The following LRRC9 variants were observed in gnomAD, a reference collection of about 807,000 sequenced individuals.
LRRC9 encodes leucine rich repeat containing 9, also known as leucine-rich repeat-containing protein 9.
Under a neutral mutation model 63.2 loss-of-function variants are expected in LRRC9, and 122 were observed. The ratio of observed to expected loss-of-function variants is 1.93; its 90% CI spans 1.67 to 2.24. The LOEUF is 2.24. Ranked by LOEUF, LRRC9 falls within the 30% of genes most tolerant of loss-of-function variation. LRRC9 has a pLI of 0.00. For missense variants in LRRC9, 1,071 were observed against 627.7 expected (o/e 1.71, Z -7.55); for synonymous variants, 366 against 213.1 (o/e 1.72, Z -6.25).
chr14:60,001,908 A>T (rs1265794607), intron 19 of LRRC9, 58 bp from the exon 20 acceptor site: 1 of 464,708 alleles, frequency 2.2e-6, no homozygotes, highest in Admixed American at 3.9e-5. Flanking sequence ...TTAACTATAT[A>T]TCAACTAACC....
chr14:60,021,425 C>T (rs977367769), intron 26 of LRRC9, among the ~76,000 whole-genome samples: 1 of 151,774 alleles, frequency 6.6e-6, no homozygotes, highest in African/African-American at 2.4e-5. Context: ...CAGATATTGT[C>T]TCTCAATCTG....
chr14:59,980,623 A>G (rs1414417005), intron 15 of LRRC9, among the ~76,000 whole-genome samples: 1 of 152,206 alleles, frequency 6.6e-6, no homozygotes, highest in Non-Finnish European at 1.5e-5. Flanking sequence ...TTGTTCTAGG[A>G]ACATGATAAT....
chr14:59,943,385 T>C (rs1882001723), intron 7 of LRRC9, among the ~76,000 whole-genome samples: 1 of 152,046 alleles, frequency 6.6e-6, no homozygotes, highest in Admixed American at 6.6e-5. Context: ...GTTGTTTTAG[T>C]TTTCAGAATT....
chr14:60,039,313 G>C (rs1248596645), intron 29 of LRRC9, among the ~76,000 whole-genome samples: 1 of 152,106 alleles, frequency 6.6e-6, no homozygotes, highest in Admixed American at 6.5e-5. Context: ...TTTTTCTATT[G>C]ATTGGAATAG....
At position 59,930,643 on chromosome 14, in the gene LRRC9, TATG is replaced by T. The variant is rs1398740084; in HGVS notation, c.268-272_268-270del. ...GATTATAATCATAACCATATAGAAA[TATG>T]ATATGTGATATATATGATTACAATT... On this transcript the variant is annotated intron_variant, in intron 3 of 31. Coordinates refer to ENST00000445360, the Ensembl canonical transcript of LRRC9. This position sits in a 1 kb window ranked among gnomAD's most constrained non-coding sequence, Gnocchi z 4.9. 5.9e-5 allele frequency among the ~76,000 whole-genome samples: 9 copies of T among 151,830 alleles called. No homozygotes were observed. Among genetic ancestry groups the T allele is most frequent in the African/African-American group, 1.7e-4 (7 of 41,504 alleles).
At chr14:60,016,980 C>T (rs974077178) in intron 24 of LRRC9, among the ~76,000 whole-genome samples, 190 bp downstream of exon 24, 4 of 152,022 alleles carry the variant, frequency 2.6e-5, no homozygotes, top group Admixed American at 2.0e-4. Flanking sequence ...AAATGGCTCA[C>T]TGCAGCTTCA....
chr14:59,937,303 A>T (rs1890219643), intron 6 of LRRC9, among the ~76,000 whole-genome samples: 1 of 152,062 alleles, frequency 6.6e-6, no homozygotes, highest in Admixed American at 6.6e-5. Context: ...ATACTTAAAA[A>T]ATGTAAATAA....
chr14:59,971,183 G>A (rs1885453602), intron 12 of LRRC9, among the ~76,000 whole-genome samples: 1 of 152,058 alleles, frequency 6.6e-6, no homozygotes, highest in East Asian at 1.9e-4. Context: ...TATTGAATAG[G>A]GGTTCCTGTC....
chr14:60,039,603 G>A (rs1035821737), intron 29 of LRRC9, among the ~76,000 whole-genome samples: 3 of 152,070 alleles, frequency 2.0e-5, no homozygotes, highest in African/African-American at 4.8e-5. Context: ...TGGGATCGGT[G>A]GTGATATCCT....
intron 8 of LRRC9, among the ~76,000 whole-genome samples, chr14:59,955,096 G>C (rs1189888180): frequency 2.0e-5 from 3 of 152,080 alleles, no homozygotes; most frequent in Admixed American, 2.0e-4. Flanking sequence ...TTATTGGCCT[G>C]ATATTTTCTT....
intron 24 of LRRC9, among the ~76,000 whole-genome samples, chr14:60,018,087 CTTTTA>C (rs1314164059): frequency 2.0e-5 from 3 of 151,842 alleles, no homozygotes; most frequent in Admixed American, 6.6e-5. Context: ...GGAAATGTCT[CTTTTA>C]TAAGTTTCTT....
At chr14:60,066,159 T>G (rs1159828799), downstream of LRRC9, among the ~76,000 whole-genome samples, 1 of 151,772 alleles carries the variant, frequency 6.6e-6, no homozygotes, top group African/African-American at 2.4e-5. Flanking sequence ...TTTCTGACTA[T>G]TGACACAAAA....
intron 1 of LRRC9, among the ~76,000 whole-genome samples, chr14:59,924,456 T>C (rs1246902770): frequency 1.3e-5 from 2 of 152,142 alleles, no homozygotes; most frequent in South Asian, 2.1e-4. Flanking sequence ...AAATTGCCAA[T>C]GGGAAGCAGG....
intron 29 of LRRC9, among the ~76,000 whole-genome samples, chr14:60,040,868 A>T (rs1366885068): frequency 1.3e-5 from 2 of 151,888 alleles, no homozygotes; most frequent in African/African-American, 2.4e-5. Flanking sequence ...TGGTCTTTAC[A>T]ATTTGGCATG....
exon 26 of LRRC9, chr14:60,019,260 G>A: frequency 1.5e-6 from 1 of 681,478 alleles, no homozygotes. Context: ...AAAACAAACA[G>A]GTAGTATTCT....
At chr14:59,929,720 T>G (rs995886904) in intron 3 of LRRC9, among the ~76,000 whole-genome samples, 1 of 152,096 alleles carries the variant, frequency 6.6e-6, no homozygotes, top group Admixed American at 6.6e-5. Flanking sequence ...GTGGTACATA[T>G]ACACCATGGA....
In LRRC9 at chr14:60,027,291, C is replaced by A. The variant is rs1891633375; in HGVS notation, c.3704-593C>A. On this transcript the variant is annotated intron_variant, in intron 27 of 31. Transcript: ENST00000445360. This position sits in a 1 kb window ranked among gnomAD's most constrained non-coding sequence, Gnocchi z 4.0. Reference sequence around the variant, plus strand: ...AGCATTTTGTAAATTGGAGAGTCTTCATATAAGTTATCATTAATATTTATA... The same window carrying A: ...AGCATTTTGTAAATTGGAGAGTCTTAATATAAGTTATCATTAATATTTATA... Among the ~76,000 whole-genome samples the A allele has an allele frequency of 6.6e-6, 1 of 151,756 alleles. No individual in the cohort carries two copies. The highest frequency in any genetic ancestry group is 1.5e-5 in the Non-Finnish European group (1 of 67,912).
Position 59,922,132 on chromosome 14 carries a change from A to C in LRRC9, c.-34+2249A>C, listed in dbSNP as rs1278560070. 6.6e-6 allele frequency among the ~76,000 whole-genome samples: 1 copy of C among 152,090 alleles called. No homozygotes were observed. Among genetic ancestry groups the C allele is most frequent in the African/African-American group, 2.4e-5 (1 of 41,440 alleles). Reference sequence around the variant, plus strand: ...AAGAAAGAAAAAAGAAAAGAAGAAAAGCACAAAGTAAGTTTGAAATAACAA... The same window carrying C: ...AAGAAAGAAAAAAGAAAAGAAGAAACGCACAAAGTAAGTTTGAAATAACAA... On this transcript the variant is annotated intron_variant, in intron 1 of 31. Coordinates refer to ENST00000445360, the Ensembl canonical transcript of LRRC9. This position sits in a 1 kb window ranked among gnomAD's most constrained non-coding sequence, Gnocchi z 5.3.
chr14:59,931,424 C>T (rs959371968), intron 4 of LRRC9, among the ~76,000 whole-genome samples, 195 bp from the exon 5 acceptor site: 13 of 152,010 alleles, frequency 8.6e-5, no homozygotes, highest in African/African-American at 2.4e-4. Context: ...TTCCTGTTCC[C>T]TCCTCCAATA....
Sources: gnomAD v4.1 joint callset for allele counts (sites outside exome capture counted in the v4.1 genomes callset) on GRCh38, gnomAD v4.1.1 for gene constraint, Gnocchi (gnomAD v3.1) non-coding constraint, MANE v1.5 for transcripts, NCBI Gene and HGNC (gene_info 2026-07-23, HGNC 2026-07-21) for gene names.